CADM2: variants seen among roughly 807,000 people sequenced by gnomAD.
The protein encoded by CADM2 is immunoglobulin superfamily member 4D.
In CADM2, 12 loss-of-function variants were observed where a neutral mutation model predicts 49.8. The ratio of observed to expected loss-of-function variants is 0.24; its 90% CI spans 0.15 to 0.39. CADM2 has a LOEUF of 0.39. CADM2 is among the 10% of genes least tolerant of loss of function. The pLI, the probability that CADM2 is intolerant of heterozygous loss-of-function variation, is 1.00. For synonymous variants in CADM2, 214 were observed against 175.4 expected, an observed-to-expected ratio of 1.22 and a Z score of -1.74; for missense variants, 378 against 492.3, an observed-to-expected ratio of 0.77 and a Z score of 2.20.
At chr3:85,043,930 A>G (rs2035547958) in intron 1 of CADM2, among the ~76,000 whole-genome samples, 1 of 152,164 alleles carries the variant, frequency 6.6e-6, no homozygotes, top group South Asian at 2.1e-4. Context: ...CCTATCATAA[A>G]TAGGCAGCAT....
intron 8 of CADM2, among the ~76,000 whole-genome samples, chr3:86,005,854 C>T (rs1452738287): frequency 6.6e-6 from 1 of 152,140 alleles, no homozygotes; most frequent in Non-Finnish European, 1.5e-5. Context: ...CTCACCTCCC[C>T]CGCAACCCCC....
chr3:85,803,880 C>T (rs977702431), intron 3 of CADM2, among the ~76,000 whole-genome samples: 4 of 152,096 alleles, frequency 2.6e-5, no homozygotes, highest in Admixed American at 2.6e-4. Flanking sequence ...GTGGCCCAGT[C>T]ATATTGACAT....
In CADM2 at chr3:85,255,517, C is replaced by T. The variant is rs72917152; in HGVS notation, c.61+295849C>T. On this transcript the variant is annotated intron_variant, in intron 1 of 9. Transcript: ENST00000383699. ...TTGCAGCTATATGATTTAGCTTAAG[C>T]TCTTCAAACCCATTCCCTTTTCTGT... 6.3e-3 allele frequency among the ~76,000 whole-genome samples: 963 copies of T among 151,846 alleles called. 13 individuals carry two copies. The highest frequency in any genetic ancestry group is 0.022 in the African/African-American group (897 of 41,378).
intron 7 of CADM2, among the ~76,000 whole-genome samples, chr3:85,947,880 A>G (rs975493684): frequency 2.0e-5 from 3 of 151,502 alleles, no homozygotes; most frequent in East Asian, 1.9e-4. Flanking sequence ...AGATCCATAG[A>G]GGAAATGTAC....
intron 2 of CADM2, among the ~76,000 whole-genome samples, chr3:85,753,255 C>T (rs984622209): frequency 2.0e-5 from 3 of 151,496 alleles, no homozygotes; most frequent in Admixed American, 2.0e-4. Flanking sequence ...ACAGTCCTGG[C>T]TTTGATGAAG....
At chr3:86,012,714 G>GATTACAGGCGTGAGTCAACGCGCCCAGC in intron 8 of CADM2, 1 of 1,011,148 alleles carries the variant, frequency 9.9e-7, no homozygotes, top group Non-Finnish European at 1.5e-6. Flanking sequence ...GATCGGCTGG[G>GATTACAGGCGTGAGTCAACGCGCCCAGC]CGCGTTGACT....
chr3:85,751,184 G>T (rs1326163153), intron 2 of CADM2, among the ~76,000 whole-genome samples: 2 of 152,100 alleles, frequency 1.3e-5, no homozygotes, highest in Middle Eastern at 3.4e-3. Flanking sequence ...TGATAGAAAA[G>T]AACCTAAGAT....
chr3:85,550,675 C>T (rs17518082), intron 1 of CADM2, among the ~76,000 whole-genome samples: 77,930 of 151,980 alleles, frequency 0.51, 23,060 homozygotes, highest in East Asian at 0.85. Context: ...TGTGTTCCTG[C>T]GTCCAAAAAC....
At chr3:85,069,276 T>C (rs2036637136) in intron 1 of CADM2, among the ~76,000 whole-genome samples, 1 of 152,164 alleles carries the variant, frequency 6.6e-6, no homozygotes. Context: ...ATAATTTTAA[T>C]TTGTGACTTG....
chr3:85,928,052 G>C (rs1559747783), intron 6 of CADM2, among the ~76,000 whole-genome samples: 2 of 152,138 alleles, frequency 1.3e-5, no homozygotes, highest in East Asian at 1.9e-4. Context: ...CATTCTGCTG[G>C]ATCAATATCT....
rs913952439 is a variant in CADM2, at chr3:84,972,551, C to A, written c.61+12883C>A. On this transcript the variant is annotated intron_variant, in intron 1 of 9. Coordinates refer to ENST00000383699, the MANE Select transcript of CADM2 (RefSeq NM_001167675.2). ...TTCTCACAAAATCACATCCATAGAT[C>A]AATTCTATAAATTAGGAAATTGATT... Among the ~76,000 whole-genome samples, 7 of 152,278 alleles carry A rather than the reference C, an allele frequency of 4.6e-5. No homozygotes were observed. In the South Asian group the frequency reaches 1.2e-3, roughly 27 times the overall value.
chr3:85,755,506 G>A (rs1281224124), intron 2 of CADM2, among the ~76,000 whole-genome samples: 2 of 152,058 alleles, frequency 1.3e-5, no homozygotes, highest in African/African-American at 2.4e-5. Context: ...TCATTACTTG[G>A]ACACTGTATT....
chr3:85,932,796 CTT>C (rs1411407942), intron 6 of CADM2, among the ~76,000 whole-genome samples: 1 of 152,102 alleles, frequency 6.6e-6, no homozygotes, highest in Non-Finnish European at 1.5e-5. Context: ...CTAATCAACA[CTT>C]TGAATAATTT....
chr3:85,455,996 C>T (rs1463374188), intron 1 of CADM2, among the ~76,000 whole-genome samples: 3 of 152,260 alleles, frequency 2.0e-5, no homozygotes, highest in African/African-American at 4.8e-5. Flanking sequence ...AATGACATCA[C>T]GTGACCTTCT....
At position 85,277,711 on chromosome 3, in the gene CADM2, C is replaced by A. The variant is rs752331945; in HGVS notation, c.61+318043C>A. Among the ~76,000 whole-genome samples, 6 of 151,294 alleles carry A rather than the reference C, an allele frequency of 4.0e-5. No individual in the cohort carries two copies. The East Asian group carries it at 1.2e-3, about 29-fold the overall frequency. The stretch of plus-strand genomic sequence containing the variant: ...TATTACACTTTCTGGTGAGACTTCT[C>A]TTATCTGTGGTTAGGATTGGCTATT... On this transcript the variant is annotated intron_variant, in intron 1 of 9. Coordinates refer to ENST00000383699, the MANE Select transcript of CADM2 (RefSeq NM_001167675.2).
At chr3:85,295,997 G>T (rs2043954453) in intron 1 of CADM2, among the ~76,000 whole-genome samples, 2 of 151,952 alleles carry the variant, frequency 1.3e-5, no homozygotes, top group African/African-American at 4.8e-5. Flanking sequence ...TATTAAGCTT[G>T]TCAGATGTCT....
chr3:86,040,842 T>A (rs963555474), intron 8 of CADM2, among the ~76,000 whole-genome samples: 3 of 152,148 alleles, frequency 2.0e-5, no homozygotes, highest in African/African-American at 7.2e-5. Context: ...AAAGGTCGGG[T>A]TACCCACAAA....
intron 3 of CADM2, among the ~76,000 whole-genome samples, chr3:85,881,675 A>C (rs989865611): frequency 6.6e-6 from 1 of 152,120 alleles, no homozygotes; most frequent in Non-Finnish European, 1.5e-5. Flanking sequence ...CTTCTGGTCC[A>C]CCGAAGGGAG....
Position 85,696,378 on chromosome 3 carries a change from T to A in CADM2, c.62-30144T>A, listed in dbSNP as rs548215372. Among the ~76,000 whole-genome samples, 26 of 152,228 alleles carry A rather than the reference T, an allele frequency of 1.7e-4. No individual in the cohort carries two copies. In the East Asian group the frequency reaches 5.0e-3, roughly 29 times the overall value. ...AGACAAGTTTCTCCTAAGTTTTTTT[T>A]CTAGAATTTTTATGCTTCCAGGTCT... On this transcript the variant is annotated intron_variant, in intron 1 of 9. Coordinates refer to ENST00000383699, the MANE Select transcript of CADM2 (RefSeq NM_001167675.2).
Sources: allele counts gnomAD v4.1 joint callset (sites outside exome capture counted in the v4.1 genomes callset), GRCh38; gene constraint gnomAD v4.1.1; transcripts MANE v1.5; gene names NCBI Gene and HGNC (gene_info 2026-07-23, HGNC 2026-07-21).